The following ZRANB3 variants were observed in gnomAD, a reference collection of about 807,000 sequenced individuals.
The protein encoded by ZRANB3 is zinc finger RANBP2-type containing 3.
Under a neutral mutation model 133.8 loss-of-function variants are expected in ZRANB3, and 125 were observed. The ratio of observed to expected loss-of-function variants is 0.93; its 90% CI spans 0.81 to 1.08. The LOEUF is 1.08. ZRANB3 is among the 50% of genes least tolerant of loss of function. The pLI, the probability that ZRANB3 is intolerant of heterozygous loss-of-function variation, is 0.00. For missense variants in ZRANB3, 1,229 were observed against 1,275.5 expected (o/e 0.96, Z 0.56); for synonymous variants, 387 against 432.7 (o/e 0.89, Z 1.31).
rs1024819471 is a variant in ZRANB3, at chr2:135,198,455, T to A, written c.*1887A>T. Reference sequence around the variant, plus strand: ...CAAATGCTCAATGCTCCTTACGGCATTTTTAATTAGTCAGAATTCTGAAAC... The same window carrying A: ...CAAATGCTCAATGCTCCTTACGGCAATTTTAATTAGTCAGAATTCTGAAAC... On this transcript the variant is annotated 3_prime_UTR_variant, in exon 21 of 21. Coordinates refer to ENST00000264159, the MANE Select transcript of ZRANB3 (RefSeq NM_032143.4). 6.6e-6 allele frequency: 1 copy of A among 152,246 alleles called. No homozygotes were observed. Among genetic ancestry groups the A allele is most frequent in the Non-Finnish European group, 1.5e-5 (1 of 68,058 alleles). The allele number at this position is 152,246 out of a possible 1,614,324, so 9.4% of individuals were successfully genotyped here.
At chr2:135,340,371 G>A (rs1684590671) in intron 6 of ZRANB3, among the ~76,000 whole-genome samples, 1 of 151,950 alleles carries the variant, frequency 6.6e-6, no homozygotes, top group African/African-American at 2.4e-5. Context: ...CTCTCAAAGT[G>A]CTAGGATTAC....
At position 135,201,545 on chromosome 2, in the gene ZRANB3, C is replaced by T. The variant is rs1032305435; in HGVS notation, c.3142-1105G>A. ...GCGGGTGCCTGTAATCCTAGCTACT[C>T]AGGAGGCTGAGGTAGGAGAATCAGC... On this transcript the variant is annotated intron_variant, in intron 20 of 20. Coordinates refer to ENST00000264159, the MANE Select transcript of ZRANB3 (RefSeq NM_032143.4). Among the ~76,000 whole-genome samples, 14 of 151,628 alleles carry T rather than the reference C, an allele frequency of 9.2e-5. No homozygotes were observed. In the East Asian group the frequency reaches 2.3e-3, roughly 25 times the overall value.
At chr2:135,232,887 C>T (rs1446203253) in intron 12 of ZRANB3, among the ~76,000 whole-genome samples, 1 of 152,172 alleles carries the variant, frequency 6.6e-6, no homozygotes, top group African/African-American at 2.4e-5. Flanking sequence ...ATCAGGGTGC[C>T]TCTCCTCCTC....
Position 135,403,844 on chromosome 2 carries a change from C to T in ZRANB3, c.162-13024G>A, listed in dbSNP as rs188282039. Among the ~76,000 whole-genome samples the T allele has an allele frequency of 1.7e-3, 261 of 152,320 alleles. 1 individual carries two copies. In the Middle Eastern group the frequency reaches 0.037, roughly 22 times the overall value. ...GCTGCTGATGCCCAGGCAAACAGGG[C>T]CTGGAGTGGACCTCCAGCAAACTCC... On this transcript the variant is annotated intron_variant, in intron 2 of 20. Transcript: ENST00000264159.
intron 3 of ZRANB3, among the ~76,000 whole-genome samples, chr2:135,375,842 G>C (rs1686407168): frequency 6.6e-6 from 1 of 151,582 alleles, no homozygotes; most frequent in South Asian, 2.1e-4. Context: ...GGCAACAAGA[G>C]CGAAACTCCA....
At chr2:135,232,102 G>A (rs566346202) in intron 12 of ZRANB3, among the ~76,000 whole-genome samples, 3 of 152,298 alleles carry the variant, frequency 2.0e-5, no homozygotes, top group South Asian at 2.1e-4. Flanking sequence ...CTAATACTGC[G>A]CTTTTCCAAC....
intron 13 of ZRANB3, among the ~76,000 whole-genome samples, chr2:135,228,965 T>G (rs1474132400): frequency 2.0e-5 from 3 of 152,220 alleles, no homozygotes; most frequent in African/African-American, 7.2e-5. Context: ...AAATCAGAAC[T>G]ATAAAACCCA....
intron 1 of ZRANB3, among the ~76,000 whole-genome samples, chr2:135,507,095 G>A (rs920329088): frequency 8.5e-5 from 13 of 152,244 alleles, no homozygotes; most frequent in African/African-American, 2.9e-4. Context: ...AAAGATTCAC[G>A]AAGTATATCA....
chr2:135,221,000 G>A (rs897030905), intron 15 of ZRANB3, among the ~76,000 whole-genome samples: 1 of 151,804 alleles, frequency 6.6e-6, no homozygotes, highest in African/African-American at 2.4e-5. Context: ...GGGATTACTG[G>A]TGCCTGCCAC....
At chr2:135,248,859 T>C (rs1021644001) in intron 12 of ZRANB3, among the ~76,000 whole-genome samples, 6 of 152,028 alleles carry the variant, frequency 3.9e-5, no homozygotes, top group Admixed American at 3.3e-4. Context: ...TGAGCCAAGA[T>C]TGCACCATCA....
chr2:135,454,368 G>C (rs928505954), intron 2 of ZRANB3, among the ~76,000 whole-genome samples: 6 of 152,134 alleles, frequency 3.9e-5, no homozygotes, highest in African/African-American at 1.4e-4. Context: ...TTCACAAATA[G>C]TGACCAGGCT....
chr2:135,445,070 G>A (rs780635596), intron 2 of ZRANB3, among the ~76,000 whole-genome samples: 1 of 152,138 alleles, frequency 6.6e-6, no homozygotes, highest in African/African-American at 2.4e-5. Flanking sequence ...GAATTTTGCA[G>A]TAAAGAAGTA....
chr2:135,221,849 T>G (rs556107587), intron 15 of ZRANB3, among the ~76,000 whole-genome samples: 1 of 152,316 alleles, frequency 6.6e-6, no homozygotes, highest in South Asian at 2.1e-4. Flanking sequence ...ACTGCCTGGC[T>G]TGGTTCTTGG....
At chr2:135,224,278 T>C in intron 15 of ZRANB3, 148 bp downstream of exon 15, 1 of 632,816 alleles carries the variant, frequency 1.6e-6, no homozygotes, top group Admixed American at 3.2e-5. Context: ...TCATTGTCTG[T>C]AGATTTAACA....
At chr2:135,261,105 A>C (rs1679942227) in intron 12 of ZRANB3, among the ~76,000 whole-genome samples, 1 of 151,704 alleles carries the variant, frequency 6.6e-6, no homozygotes, top group African/African-American at 2.4e-5. Context: ...TTTTGATGTC[A>C]AATGGCAAGT....
At chr2:135,378,185 A>G (rs190933353) in intron 3 of ZRANB3, among the ~76,000 whole-genome samples, 26 of 152,302 alleles carry the variant, frequency 1.7e-4, no homozygotes, top group Admixed American at 1.2e-3. Flanking sequence ...AACCCTGACT[A>G]ACTCAAGTTT....
At chr2:135,521,729 G>C in intron 1 of ZRANB3, among the ~76,000 whole-genome samples, 1 of 152,086 alleles carries the variant, frequency 6.6e-6, no homozygotes, top group Non-Finnish European at 1.5e-5. Context: ...AGGGAACATT[G>C]GCTTTATACG....
intron 8 of ZRANB3, among the ~76,000 whole-genome samples, chr2:135,289,399 G>T (rs1447939831): frequency 2.0e-5 from 3 of 152,070 alleles, no homozygotes; most frequent in South Asian, 2.1e-4. Context: ...GGGATTATAG[G>T]TGCCTGCCAC....
At position 135,381,633 on chromosome 2, in the gene ZRANB3, C is replaced by A. The variant is rs114943173; in HGVS notation, c.180+9169G>T. 3.0e-3 allele frequency among the ~76,000 whole-genome samples: 454 copies of A among 152,268 alleles called. 2 individuals are homozygous for A. Among genetic ancestry groups the A allele is most frequent in the African/African-American group, 0.01 (430 of 41,556 alleles). On this transcript the variant is annotated intron_variant, in intron 3 of 20. Coordinates refer to ENST00000264159, the MANE Select transcript of ZRANB3 (RefSeq NM_032143.4). The stretch of plus-strand genomic sequence containing the variant: ...CTGACACCACACATGGCCGGGTATC[C>A]CTCAGAGATGAAACTTCCAGAGGAA...
Sources: allele counts gnomAD v4.1 joint callset (sites outside exome capture counted in the v4.1 genomes callset), GRCh38; gene constraint gnomAD v4.1.1; transcripts MANE v1.5; gene names NCBI Gene and HGNC (gene_info 2026-07-23, HGNC 2026-07-21).